The following TRIM37 variants were observed in gnomAD, a reference collection of about 807,000 sequenced individuals.
TRIM37 encodes the protein tripartite motif containing 37.
In TRIM37, 80 loss-of-function variants were observed where a neutral mutation model predicts 129.8. The observed-to-expected ratio is 0.62, with a 90% CI of 0.51 to 0.74. TRIM37 has a LOEUF of 0.74. Ranked by LOEUF, TRIM37 falls within the 30% of genes least tolerant of loss-of-function variation. The pLI is 0.00. For synonymous variants in TRIM37, 389 were observed against 387.1 expected (o/e 1.00, Z -0.06); for missense variants, 1,054 against 1,176.5 (o/e 0.90, Z 1.52).
intron 4 of TRIM37, among the ~76,000 whole-genome samples, chr17:59,085,134 G>A (rs2043638023): frequency 6.6e-6 from 1 of 152,192 alleles, no homozygotes; most frequent in South Asian, 2.1e-4. Flanking sequence ...AGACTGGCCT[G>A]GCCAATATAG....
At chr17:59,029,202 A>G (rs2037563818) in intron 18 of TRIM37, among the ~76,000 whole-genome samples, 1 of 152,042 alleles carries the variant, frequency 6.6e-6, no homozygotes, top group African/African-American at 2.4e-5. Flanking sequence ...CTGAGGTGAG[A>G]GAATCGCTTG....
chr17:59,014,314 A>G lies in TRIM37; in HGVS notation c.2576+1296T>C, dbSNP rs146013042. ...GGTAAAATTCTTTTCAGGGTCTCCA[A>G]AATAGAACTATTTCATTGTTTAAAT... is the stretch of plus-strand genomic sequence containing the variant. On this transcript the variant is annotated intron_variant, in intron 21 of 23. Coordinates refer to ENST00000262294, the MANE Select transcript of TRIM37 (RefSeq NM_015294.6). 2.6e-5 allele frequency among the ~76,000 whole-genome samples: 4 copies of G among 152,326 alleles called. No homozygotes were observed. The East Asian group carries it at 7.7e-4, about 29-fold the overall frequency.
chr17:58,999,491 AT>A (rs764247081), intron 23 of TRIM37, 32 bp from the exon 24 acceptor site: 2 of 1,549,600 alleles, frequency 1.3e-6, no homozygotes, highest in Non-Finnish European at 8.8e-7. Flanking sequence ...AAAATTTAAA[AT>A]TTAAAAGCAT....
At chr17:59,053,933 T>TAAACA (rs10634008) in intron 13 of TRIM37, among the ~76,000 whole-genome samples, 85,870 of 150,918 alleles carry the variant, frequency 0.57, 24,641 homozygotes, top group East Asian at 0.71. Flanking sequence ...ACACTGACTC[T>TAAACA]AAACAAAACA....
intron 17 of TRIM37, among the ~76,000 whole-genome samples, chr17:59,035,923 G>C (rs926918080): frequency 6.6e-6 from 1 of 152,032 alleles, no homozygotes; most frequent in Non-Finnish European, 1.5e-5. Flanking sequence ...GTTCATTACA[G>C]CATACTGCCT....
chr17:59,102,703 C>T (rs9910352), intron 2 of TRIM37, among the ~76,000 whole-genome samples: 1 of 152,132 alleles, frequency 6.6e-6, no homozygotes, highest in African/African-American at 2.4e-5. Flanking sequence ...ACTGGGTCTT[C>T]TGCGCATGGT....
intron 17 of TRIM37, among the ~76,000 whole-genome samples, chr17:59,040,577 G>C (rs1033281979): frequency 1.3e-5 from 2 of 152,084 alleles, no homozygotes; most frequent in Admixed American, 6.5e-5. Context: ...ACTATGGAAA[G>C]ACAAAGGCTA....
chr17:59,058,205 G>T (rs1025012128), intron 12 of TRIM37, among the ~76,000 whole-genome samples: 1 of 152,154 alleles, frequency 6.6e-6, no homozygotes, highest in Non-Finnish European at 1.5e-5. Flanking sequence ...CCATAAAAAA[G>T]AACGAGATTA....
At chr17:59,034,987 T>C (rs1388359741) in intron 17 of TRIM37, among the ~76,000 whole-genome samples, 2 of 152,148 alleles carry the variant, frequency 1.3e-5, no homozygotes, top group African/African-American at 2.4e-5. Flanking sequence ...CTCTTCTTCT[T>C]TGGTCAACAT....
intron 12 of TRIM37, 25 bp downstream of exon 12, chr17:59,061,007 G>T: frequency 6.3e-7 from 1 of 1,586,608 alleles, no homozygotes; most frequent in East Asian, 2.2e-5. Context: ...GCACATTAAG[G>T]TTGTTATTTA....
At chr17:59,092,884 A>C (rs933834032) in intron 2 of TRIM37, among the ~76,000 whole-genome samples, 3 of 152,092 alleles carry the variant, frequency 2.0e-5, no homozygotes, top group African/African-American at 7.2e-5. Context: ...AAAAGCATAC[A>C]GAGCACGCCT....
chr17:59,001,538 GA>G, intron 23 of TRIM37, 59 bp downstream of exon 23: 1 of 1,608,512 alleles, frequency 6.2e-7, no homozygotes, highest in South Asian at 1.1e-5. Context: ...AGAAGAAGAA[GA>G]AAGAGAAGCG....
chr17:59,046,724 T>C (rs1276333940), intron 16 of TRIM37, among the ~76,000 whole-genome samples: 3 of 151,242 alleles, frequency 2.0e-5, no homozygotes, highest in Non-Finnish European at 4.4e-5. Flanking sequence ...GTATTTTTAG[T>C]AGAGACGGGG....
chr17:59,019,962 G>C (rs2036390918), intron 19 of TRIM37, among the ~76,000 whole-genome samples: 1 of 152,046 alleles, frequency 6.6e-6, no homozygotes. Context: ...TGGGTGCGGT[G>C]GCTCATGCCA....
At chr17:59,047,161 A>G (rs2039906729) in intron 16 of TRIM37, among the ~76,000 whole-genome samples, 1 of 151,764 alleles carries the variant, frequency 6.6e-6, no homozygotes, top group Non-Finnish European at 1.5e-5. Flanking sequence ...TCAAAAAAAA[A>G]GGAAAAAAAA....
chr17:58,976,591 G>C, the TRIM37 span, among the ~76,000 whole-genome samples: 2 of 152,194 alleles, frequency 1.3e-5, no homozygotes, highest in African/African-American at 4.8e-5. Flanking sequence ...AAAGTTGACA[G>C]AGGCATGATA....
chr17:59,105,346 GC>G (rs1341482156), intron 1 of TRIM37, among the ~76,000 whole-genome samples: 1 of 152,108 alleles, frequency 6.6e-6, no homozygotes, highest in Non-Finnish European at 1.5e-5. Context: ...CTGAGATTCT[GC>G]CCCAATTGAA....
intron 17 of TRIM37, among the ~76,000 whole-genome samples, chr17:59,037,487 G>A (rs1321332850): frequency 1.3e-5 from 2 of 148,206 alleles, no homozygotes; most frequent in Non-Finnish European, 3.0e-5. Flanking sequence ...GAACCTGGGA[G>A]GCGGAGCTTG....
rs563675817 is a variant in TRIM37 at position 59,080,772 on chromosome 17, C to T, written c.492+325G>A. Among the ~76,000 whole-genome samples, 4 of 152,150 alleles carry T rather than the reference C, an allele frequency of 2.6e-5. No individual in the cohort carries two copies. The East Asian group carries it at 7.7e-4, about 29-fold the overall frequency. The stretch of plus-strand genomic sequence containing the variant: ...CGCCATTACACTCCAGCCTGGGCGA[C>T]AAGAGTGAAACTCCATCTCAAAAAA... On this transcript the variant is annotated intron_variant, in intron 6 of 23. Transcript: ENST00000262294.
Sources: gnomAD v4.1 joint callset for allele counts (sites outside exome capture counted in the v4.1 genomes callset) on GRCh38, gnomAD v4.1.1 for gene constraint, MANE v1.5 for transcripts, NCBI Gene and HGNC (gene_info 2026-07-23, HGNC 2026-07-21) for gene names.